SLC30A5: variants seen among roughly 807,000 people sequenced by gnomAD.
SLC30A5 encodes proton-coupled zinc antiporter SLC30A5.
Under a neutral mutation model 79.6 loss-of-function variants are expected in SLC30A5, and 33 were observed. The observed-to-expected ratio is 0.41, with a 90% CI of 0.31 to 0.55. The LOEUF (loss-of-function observed/expected upper bound fraction) is 0.55, where lower values mean the gene tolerates loss of function less well. Among genes scored for constraint, SLC30A5 ranks in the 20% least tolerant of loss-of-function variants. The pLI is 0.20. For synonymous variants in SLC30A5, 299 were observed against 319.7 expected (o/e 0.94, Z 0.69); for missense variants, 788 against 928.1 (o/e 0.85, Z 1.96).
chr5:69,100,856 G>A lies in SLC30A5; in HGVS notation c.133G>A (p.Val45Met), dbSNP rs1328080475. 1.2e-6 allele frequency: 2 copies of A among 1,608,678 alleles called. No individual in the cohort carries two copies. The highest frequency in any genetic ancestry group is 2.2e-5 in the East Asian group (1 of 44,598). ...LLCFTKFLKA[V>M]GLFESYDLLK... ...ATGTTTCACTAAATTTTTGAAGGCT[G>A]TGGGACTTTTCGAATCATATGATCT... The change falls in exon 2 of 16, where the codon GTG becomes ATG. Residue 45 changes from valine (V) to methionine (M), a missense_variant. Physicochemically the swap from Val to Met is conservative, Grantham distance 21. Around this residue, in one of 3 missense-constraint regions of SLC30A5, gnomAD observed 626 missense variants for 755.5 expected, o/e 0.83. Coordinates refer to ENST00000396591, the MANE Select transcript of SLC30A5 (RefSeq NM_022902.5).
Position 69,129,705 on chromosome 5 carries a change from C to T in SLC30A5, c.*88C>T. The T allele has an allele frequency of 8.2e-7, 1 of 1,226,092 alleles. No homozygotes were observed. The highest frequency in any genetic ancestry group is 1.1e-6 in the Non-Finnish European group (1 of 892,718). 76.0% of individuals were successfully genotyped at this position (1,226,092 alleles called of 1,614,324 possible). Reference sequence around the variant, plus strand: ...TATTGCCAGAAGGATAAAAATTACACATTAACTGTACAGAAACAGAGTTCC... The same window carrying T: ...TATTGCCAGAAGGATAAAAATTACATATTAACTGTACAGAAACAGAGTTCC... On this transcript the variant is annotated 3_prime_UTR_variant, in exon 16 of 16. Transcript: ENST00000396591.
intron 1 of SLC30A5, among the ~76,000 whole-genome samples, chr5:69,095,270 G>C (rs1169955858): frequency 7.4e-6 from 1 of 135,622 alleles, no homozygotes; most frequent in Non-Finnish European, 1.5e-5. Flanking sequence ...GCGCGATCTC[G>C]GCTCACGACA....
At chr5:69,109,944 C>T (rs1746186580) in intron 5 of SLC30A5, among the ~76,000 whole-genome samples, 1 of 152,142 alleles carries the variant, frequency 6.6e-6, no homozygotes, top group South Asian at 2.1e-4. Flanking sequence ...GCGGCCCTGA[C>T]AAGCTGGCAC....
At chr5:69,115,437 T>A in intron 8 of SLC30A5, 30 bp downstream of exon 8, 1 of 1,537,108 alleles carries the variant, frequency 6.5e-7, no homozygotes, top group Non-Finnish European at 8.9e-7. Context: ...TTATTGGTAT[T>A]AAATTGCTAG....
At position 69,123,456 on chromosome 5, in the gene SLC30A5, T is replaced by C. The variant is rs746911280; in HGVS notation, c.1998+31T>C. The C allele has an allele frequency of 3.3e-6, 5 of 1,530,056 alleles. No homozygotes were observed. In the South Asian group the frequency reaches 5.6e-5, roughly 17 times the overall value. 94.8% of individuals were successfully genotyped at this position (1,530,056 alleles called of 1,614,324 possible). On this transcript the variant is annotated intron_variant, in intron 14 of 15. Coordinates refer to ENST00000396591, the MANE Select transcript of SLC30A5 (RefSeq NM_022902.5). ...GTATGTAATTTCTTCACTACTTTCT[T>C]CCTTGAAAATCACATTTTTGAAGTC... is the stretch of plus-strand genomic sequence containing the variant.
At position 69,129,632 on chromosome 5, in the gene SLC30A5, T is replaced by C; in HGVS notation, c.*15T>C. 1 of 1,594,966 alleles carries C rather than the reference T, an allele frequency of 6.3e-7. No individual in the cohort carries two copies. Among genetic ancestry groups the C allele is most frequent in the Non-Finnish European group, 8.5e-7 (1 of 1,170,852 alleles). ...ACATCATGTGAGATAACTCAAGAAT[T>C]ACCCCTGGAGAATAAACAATGAAGA... On this transcript the variant is annotated 3_prime_UTR_variant, in exon 16 of 16. Transcript: ENST00000396591.
At chr5:69,111,970 T>C (rs1746244432) in intron 5 of SLC30A5, among the ~76,000 whole-genome samples, 1 of 152,190 alleles carries the variant, frequency 6.6e-6, no homozygotes. Flanking sequence ...ATACAAGACA[T>C]GTTATACCTG....
chr5:69,118,501 A>G lies in SLC30A5; in HGVS notation c.1442A>G (p.Tyr481Cys), dbSNP rs1237025669. The G allele has an allele frequency of 3.1e-6, 5 of 1,595,424 alleles. No homozygotes were observed. Among genetic ancestry groups the G allele is most frequent in the South Asian group, 1.1e-5 (1 of 87,426 alleles). The change falls in exon 12 of 16, where the codon TAC becomes TGC. Residue 481 changes from tyrosine to cysteine, a missense_variant and splice_region_variant. Transcript: ENST00000396591. ...TGAAAAATGTTCTATGTTTTTAGGT[A>G]CGGCCGAATAGAAATTCTGTCTGGA... Reference protein sequence around the residue: ...WKATRIFSYGYGRIEILSGFI... With the variant: ...WKATRIFSYGCGRIEILSGFI...
At chr5:69,108,222 CTATT>C (rs1746138658) in intron 4 of SLC30A5, 123 bp from the exon 5 acceptor site, 1 of 698,928 alleles carries the variant, frequency 1.4e-6, no homozygotes, top group Non-Finnish European at 2.4e-6. Flanking sequence ...GCAGTTGTAC[CTATT>C]TATTTTTCTT....
At chr5:69,097,406 C>T (rs187460526) in intron 1 of SLC30A5, among the ~76,000 whole-genome samples, 11 of 152,224 alleles carry the variant, frequency 7.2e-5, no homozygotes, top group African/African-American at 2.6e-4. Context: ...TGAGCCACTG[C>T]GCCCTGCTCT....
chr5:69,102,243 G>A (rs753616667), intron 2 of SLC30A5, among the ~76,000 whole-genome samples: 1 of 151,022 alleles, frequency 6.6e-6, no homozygotes, highest in South Asian at 2.1e-4. Flanking sequence ...TAGTAGACAC[G>A]GGGTTTTGCC....
intron 1 of SLC30A5, among the ~76,000 whole-genome samples, chr5:69,100,559 A>G (rs73119225): frequency 0.019 from 2,828 of 150,636 alleles, 87 homozygotes; most frequent in African/African-American, 0.064. Flanking sequence ...TCGCTTGACC[A>G]AAGGAGTTCG....
intron 1 of SLC30A5, among the ~76,000 whole-genome samples, chr5:69,100,267 G>A (rs540258328): frequency 6.6e-6 from 1 of 152,150 alleles, no homozygotes; most frequent in Admixed American, 6.5e-5. Context: ...CAGCCTGTTT[G>A]TATTTTGAGA....
rs1580186106 is a variant in SLC30A5 at position 69,123,299 on chromosome 5, C to G, written c.1872C>G (p.Leu624=). The change falls in exon 14 of 16, where the codon CTC becomes CTG. Residue 624 remains leucine, a synonymous_variant. Transcript: ENST00000396591. The part of the protein sequence containing the change: ...EQFGWFIADP[L]CSLFIAILIF... Reference sequence around the variant, plus strand: ...TTGGATGGTTCATCGCTGACCCACTCTGTTCTCTTTTTATTGCTATATTAA... The same window carrying G: ...TTGGATGGTTCATCGCTGACCCACTGTGTTCTCTTTTTATTGCTATATTAA... The G allele has an allele frequency of 6.2e-7, 1 of 1,613,856 alleles. No individual in the cohort carries two copies. Among genetic ancestry groups the G allele is most frequent in the African/African-American group, 1.3e-5 (1 of 74,922 alleles).
Position 69,117,418 on chromosome 5 carries a change from G to T in SLC30A5, c.1439+22G>T, listed in dbSNP as rs777358828. 3 of 1,608,914 alleles carry T rather than the reference G, an allele frequency of 1.9e-6. No individual in the cohort carries two copies. The South Asian group carries it at 3.3e-5, about 18-fold the overall frequency. On this transcript the variant is annotated intron_variant, in intron 11 of 15. Coordinates refer to ENST00000396591, the MANE Select transcript of SLC30A5 (RefSeq NM_022902.5). ...ATGGGTAGGTACATTGACTGTCGAG[G>T]TGGTATATCTTAAGTGCAAATTCCA... is the stretch of plus-strand genomic sequence containing the variant.
chr5:69,096,037 C>T (rs1745720079), intron 1 of SLC30A5, among the ~76,000 whole-genome samples: 1 of 152,132 alleles, frequency 6.6e-6, no homozygotes, highest in Non-Finnish European at 1.5e-5. Context: ...CCACTGCACT[C>T]CAGCCTGGGT....
intron 14 of SLC30A5, among the ~76,000 whole-genome samples, chr5:69,125,334 G>C (rs1380873465): frequency 1.3e-5 from 2 of 151,790 alleles, no homozygotes; most frequent in Non-Finnish European, 2.9e-5. Context: ...AGACCATCCT[G>C]GCTAACATGA....
At position 69,103,895 on chromosome 5, in the gene SLC30A5, C is replaced by G. The variant is rs16898496; in HGVS notation, c.274-736C>G. 9.1e-3 allele frequency: 11,214 copies of G among 1,227,646 alleles called. 747 individuals are homozygous for G. In the African/African-American group the frequency reaches 0.15, roughly 17 times the overall value. The allele number at this position is 1,227,646 out of a possible 1,614,324, so 76.0% of individuals were successfully genotyped here. A position where few individuals can be genotyped will look rare whatever the true frequency, so the allele number is the denominator to read the frequency against. On this transcript the variant is annotated intron_variant, in intron 3 of 15. Coordinates refer to ENST00000396591, the MANE Select transcript of SLC30A5 (RefSeq NM_022902.5). Reference sequence around the variant, plus strand: ...AATTTAAGTACTTCTGTTTCAGAGACCAAGAACATTTTTTAAAATATGATT... The same window carrying G: ...AATTTAAGTACTTCTGTTTCAGAGAGCAAGAACATTTTTTAAAATATGATT...
At chr5:69,123,526 ACGAGGCC>A (rs1376960262) in intron 14 of SLC30A5, 101 bp downstream of exon 14, 2 of 858,486 alleles carry the variant, frequency 2.3e-6, no homozygotes, top group Non-Finnish European at 3.7e-6. Context: ...ATAAAACAAA[ACGAGGCC>A]AAAAAAGAAA....
Sources: allele counts gnomAD v4.1 joint callset (sites outside exome capture counted in the v4.1 genomes callset), GRCh38; gene constraint gnomAD v4.1.1; regional missense constraint gnomAD v4.1.1; transcripts MANE v1.5; gene names NCBI Gene and HGNC (gene_info 2026-07-23, HGNC 2026-07-21).